Variants in GSTCD observed in about 807,000 individuals in gnomAD.
GSTCD encodes glutathione S-transferase C-terminal domain containing.
Under a neutral mutation model 68.3 loss-of-function variants are expected in GSTCD, and 44 were observed. That is an observed-to-expected ratio of 0.64 (90% CI 0.51 to 0.83). GSTCD has a LOEUF of 0.83. Ranked by LOEUF, GSTCD falls within the 40% of genes least tolerant of loss-of-function variation. The probability of loss-of-function intolerance (pLI) is 0.00; values close to 1 mark genes in which losing one functional copy is unlikely to be tolerated. For synonymous variants in GSTCD, 273 were observed against 255.2 expected, an observed-to-expected ratio of 1.07 and a Z score of -0.67; for missense variants, 739 against 735.9, an observed-to-expected ratio of 1.00 and a Z score of -0.05.
intron 1 of GSTCD, among the ~76,000 whole-genome samples, chr4:105,714,426 A>G (rs1283329458): frequency 6.6e-6 from 1 of 152,016 alleles, no homozygotes; most frequent in Non-Finnish European, 1.5e-5. Context: ...TTAGCGAACT[A>G]AGGCATTCTG....
chr4:105,771,641 GC>G (rs1224217622), intron 5 of GSTCD, among the ~76,000 whole-genome samples: 3 of 152,144 alleles, frequency 2.0e-5, no homozygotes, highest in Non-Finnish European at 2.9e-5. Flanking sequence ...TTTTCCCATT[GC>G]TTGTTTTTGT....
intron 5 of GSTCD, among the ~76,000 whole-genome samples, chr4:105,822,686 T>C (rs1282233636): frequency 2.6e-5 from 4 of 152,118 alleles, no homozygotes; most frequent in African/African-American, 4.8e-5. Context: ...TTGTTCCCCA[T>C]AGATTTCCTT....
chr4:105,789,000 A>T (rs1335982120), intron 5 of GSTCD, among the ~76,000 whole-genome samples: 1 of 152,086 alleles, frequency 6.6e-6, no homozygotes, highest in African/African-American at 2.4e-5. Flanking sequence ...GCTAATAGAG[A>T]TGACGTGTCT....
At chr4:105,748,348 G>T (rs1733883731) in intron 5 of GSTCD, among the ~76,000 whole-genome samples, 1 of 151,818 alleles carries the variant, frequency 6.6e-6, no homozygotes, top group South Asian at 2.1e-4. Flanking sequence ...TCACTTTCTG[G>T]GAAAAATTTT....
intron 5 of GSTCD, among the ~76,000 whole-genome samples, chr4:105,794,839 TTATCTATCTATC>T (rs148088004): frequency 0.013 from 1,473 of 114,556 alleles, 22 homozygotes; most frequent in African/African-American, 0.051. Context: ...ATCTATCTAT[TTATCTATCTATC>T]TATCTATCTA....
At chr4:105,791,115 C>T (rs917258695) in intron 5 of GSTCD, among the ~76,000 whole-genome samples, 4 of 151,734 alleles carry the variant, frequency 2.6e-5, no homozygotes, top group Admixed American at 6.6e-5. Flanking sequence ...AGGGGCTGGC[C>T]GGGCACGGTG....
At chr4:105,758,461 C>T (rs752158174) in intron 5 of GSTCD, among the ~76,000 whole-genome samples, 2 of 152,148 alleles carry the variant, frequency 1.3e-5, no homozygotes, top group Non-Finnish European at 2.9e-5. Flanking sequence ...GTGTGTAGCA[C>T]CTCTCCCGTC....
chr4:105,825,390 A>T (rs1427516083), intron 7 of GSTCD, among the ~76,000 whole-genome samples: 1 of 152,170 alleles, frequency 6.6e-6, no homozygotes, highest in Non-Finnish European at 1.5e-5. Context: ...TCGGCCTCCC[A>T]AAGTGTTGGG....
intron 5 of GSTCD, among the ~76,000 whole-genome samples, chr4:105,822,346 A>C (rs190167194): frequency 1.1e-3 from 173 of 152,206 alleles, no homozygotes; most frequent in African/African-American, 4.0e-3. Context: ...CAGAAAATCC[A>C]ATTTCTCCCT....
Position 105,825,810 on chromosome 4 carries a change from C to T in GSTCD, c.1530+10C>T. ...GATGTTTAATATTGGAGTAAGTAAT[C>T]AAGTAATTTCAATTTCTTTAATTAG... On this transcript the variant is annotated intron_variant, in intron 8 of 11. Coordinates refer to ENST00000515279, the MANE Select transcript of GSTCD (RefSeq NM_001370181.1). 1.4e-6 allele frequency: 2 copies of T among 1,451,608 alleles called. No homozygotes were observed. Among genetic ancestry groups the T allele is most frequent in the Non-Finnish European group, 9.6e-7 (1 of 1,042,958 alleles). 89.9% of individuals were successfully genotyped at this position (1,451,608 alleles called of 1,614,324 possible). A position where few individuals can be genotyped will look rare whatever the true frequency, so the allele number is the denominator to read the frequency against.
At chr4:105,745,746 CATA>C (rs1456089403) in intron 5 of GSTCD, among the ~76,000 whole-genome samples, 3 of 152,106 alleles carry the variant, frequency 2.0e-5, no homozygotes, top group Non-Finnish European at 4.4e-5. Flanking sequence ...GCTACTAGCA[CATA>C]ATAACTATAT....
chr4:105,735,199 C>A (rs1004409550), intron 5 of GSTCD, among the ~76,000 whole-genome samples: 3 of 152,166 alleles, frequency 2.0e-5, no homozygotes, highest in African/African-American at 7.2e-5. Flanking sequence ...CCACTACTCT[C>A]TTCAAAGCTG....
Position 105,837,841 on chromosome 4 carries a change from C to A in GSTCD, c.1665-18C>A. ...TAATATTTAGAATGATGACTAATTC[C>A]TTTTTTTTCTATTTCAGTGAACAAT... On this transcript the variant is annotated intron_variant, in intron 9 of 11. Coordinates refer to ENST00000515279, the MANE Select transcript of GSTCD (RefSeq NM_001370181.1). 9.9e-7 allele frequency: 1 copy of A among 1,014,348 alleles called. No individual in the cohort carries two copies. The highest frequency in any genetic ancestry group is 1.5e-5 in the South Asian group (1 of 66,540). 62.8% of individuals were successfully genotyped at this position (1,014,348 alleles called of 1,614,324 possible).
intron 3 of GSTCD, among the ~76,000 whole-genome samples, chr4:105,724,980 T>C (rs974249313): frequency 1.3e-5 from 2 of 151,990 alleles, no homozygotes; most frequent in Non-Finnish European, 2.9e-5. Flanking sequence ...CCATGAATTA[T>C]AGATGAAAGG....
chr4:105,770,265 G>A (rs142182546), intron 5 of GSTCD, among the ~76,000 whole-genome samples: 56 of 151,552 alleles, frequency 3.7e-4, no homozygotes, highest in African/African-American at 1.2e-3. Flanking sequence ...TTTACTTAGC[G>A]TTTAGACTGA....
rs746175805 is a variant in GSTCD at position 105,808,703 on chromosome 4, C to T, written c.1241-14251C>T. On this transcript the variant is annotated intron_variant, in intron 5 of 11. Coordinates refer to ENST00000515279, the MANE Select transcript of GSTCD (RefSeq NM_001370181.1). ...TTTCGCTTTCTGTGGTTTAGTTACC[C>T]GCAGTCAACTGTGGCCCAAAAATAT... 3.9e-5 allele frequency among the ~76,000 whole-genome samples: 6 copies of T among 152,012 alleles called. No individual in the cohort carries two copies. In the South Asian group the frequency reaches 8.3e-4, roughly 21 times the overall value.
At chr4:105,802,782 A>C (rs563802053) in intron 5 of GSTCD, among the ~76,000 whole-genome samples, 1 of 152,206 alleles carries the variant, frequency 6.6e-6, no homozygotes, top group South Asian at 2.1e-4. Context: ...CTTAACATTT[A>C]TAATGTGGCG....
chr4:105,828,089 C>CA (rs1723732809), intron 8 of GSTCD, among the ~76,000 whole-genome samples: 1 of 152,124 alleles, frequency 6.6e-6, no homozygotes, highest in African/African-American at 2.4e-5. Context: ...CAATAACAAA[C>CA]AGTCATTTCA....
chr4:105,842,530 C>G (rs1042500658), intron 11 of GSTCD, among the ~76,000 whole-genome samples: 1 of 152,018 alleles, frequency 6.6e-6, no homozygotes, highest in Non-Finnish European at 1.5e-5. Flanking sequence ...TTTTCTTTCT[C>G]AGGAAAAAGG....
Sources: gnomAD v4.1 joint callset for allele counts (sites outside exome capture counted in the v4.1 genomes callset) on GRCh38, gnomAD v4.1.1 for gene constraint, MANE v1.5 for transcripts, NCBI Gene and HGNC (gene_info 2026-07-23, HGNC 2026-07-21) for gene names.